The following GAL3ST1 variants were observed in gnomAD, a reference collection of about 807,000 sequenced individuals.
GAL3ST1 encodes the protein galactosylceramide sulfotransferase.
Under a neutral mutation model 25.0 loss-of-function variants are expected in GAL3ST1, and 13 were observed. The ratio of observed to expected loss-of-function variants is 0.52; its 90% confidence interval spans 0.34 to 0.83. The LOEUF (loss-of-function observed/expected upper bound fraction) is 0.83, where lower values mean the gene tolerates loss of function less well. Ranked by LOEUF, GAL3ST1 falls within the 40% of genes least tolerant of loss-of-function variation. The pLI is 0.02. For missense variants in GAL3ST1, 474 were observed against 613.6 expected (o/e 0.77, Z 2.40); for synonymous variants, 274 against 277.8 (o/e 0.99, Z 0.14).
At chr22:30,560,388 G>A (rs1310471603) in intron 1 of GAL3ST1, 1 of 152,144 alleles carries the variant, frequency 6.6e-6, no homozygotes, top group African/African-American at 2.4e-5. Flanking sequence ...GAAAGCTGGA[G>A]GCGCCCCTAG....
intron 1 of GAL3ST1, among the ~76,000 whole-genome samples, chr22:30,571,624 G>A (rs565567180): frequency 2.0e-5 from 3 of 152,290 alleles, no homozygotes; most frequent in Non-Finnish European, 4.4e-5. Context: ...AGCACTTTGG[G>A]AGGCCGAGGC....
chr22:30,562,943 C>T (rs190719088), intron 1 of GAL3ST1, among the ~76,000 whole-genome samples: 121 of 152,172 alleles, frequency 8.0e-4, no homozygotes, highest in African/African-American at 2.9e-3. Flanking sequence ...GCTGAAACAC[C>T]GTCTCTACTA....
intron 3 of GAL3ST1, 74 bp downstream of exon 3, chr22:30,557,188 A>C (rs1426870295): frequency 7.9e-6 from 12 of 1,509,776 alleles, no homozygotes; most frequent in Admixed American, 1.7e-5. Flanking sequence ...CCCTGTGGTA[A>C]TTACAGGGCC....
intron 3 of GAL3ST1, 37 bp downstream of exon 3, chr22:30,557,225 C>T: frequency 6.2e-7 from 1 of 1,610,664 alleles, no homozygotes; most frequent in Non-Finnish European, 8.5e-7. Context: ...ATCCCTCCCC[C>T]ACCTACACCC....
At position 30,555,318 on chromosome 22, in the gene GAL3ST1, G is replaced by C; in HGVS notation, c.907C>G (p.Leu303Val). ...AAGTGGCGGTAGAGGTGGGAGTCCA[G>C]CATGTTCCAGGCGGTGGCGCGCCCA... ...LYGRATAWNM[L>V]DSHLYRHFNA... Residue 303 changes from leucine (L) to valine (V), a missense_variant, in exon 4 of 4, where the codon CTG (leucine) becomes GTG (valine). Coordinates refer to ENST00000406361, the MANE Select transcript of GAL3ST1 (RefSeq NM_001318104.2). The surrounding 1 kb of genome is among the most constrained non-coding windows in gnomAD (Gnocchi z 8.6). 1.2e-6 allele frequency: 2 copies of C among 1,606,080 alleles called. No individual in the cohort carries two copies. Among genetic ancestry groups the C allele is most frequent in the Non-Finnish European group, 8.5e-7 (1 of 1,178,096 alleles).
intron 1 of GAL3ST1, among the ~76,000 whole-genome samples, chr22:30,571,014 A>T (rs867389728): frequency 9.3e-4 from 136 of 146,170 alleles, no homozygotes; most frequent in African/African-American, 3.1e-3. Context: ...ACACACACAC[A>T]CTCTTTACAA....
intron 1 of GAL3ST1, among the ~76,000 whole-genome samples, chr22:30,574,026 G>A (rs1386290982): frequency 2.0e-5 from 3 of 152,148 alleles, no homozygotes; most frequent in Non-Finnish European, 2.9e-5. Context: ...TATGGTCTCC[G>A]GTTCCTGCTC....
chr22:30,555,685 C>T lies in GAL3ST1; in HGVS notation c.540G>A (p.Val180=), dbSNP rs1231214218. 2.5e-6 allele frequency: 4 copies of T among 1,613,870 alleles called. No homozygotes were observed. Among genetic ancestry groups the T allele is most frequent in the Non-Finnish European group, 2.5e-6 (3 of 1,180,040 alleles). ...CCGAGAGCTTCCACGTGAGGGGCAC[C>T]ACCGGCCCGAAGTAGTGGAAGGAGG... ...FESSFHYFGP[V]VPLTWKLSAG... Residue 180 remains valine, a synonymous_variant, in exon 4 of 4, where the codon GTG becomes GTA. Coordinates refer to ENST00000406361, the MANE Select transcript of GAL3ST1 (RefSeq NM_001318104.2). The surrounding 1 kb of genome is among the most constrained non-coding windows in gnomAD (Gnocchi z 8.6).
chr22:30,568,548 A>T (rs1179091651), intron 1 of GAL3ST1, among the ~76,000 whole-genome samples: 1 of 152,164 alleles, frequency 6.6e-6, no homozygotes, highest in Non-Finnish European at 1.5e-5. Context: ...AGAAAACGAG[A>T]ACTGTATTAA....
chr22:30,555,033 T>A lies in GAL3ST1; in HGVS notation c.1192A>T (p.Ile398Phe). ...QLCRRMLTPE[I>F]QYLMDLGANL... ...GCGCCGAGGTCCATCAGGTACTGGA[T>A]CTCGGGCGTGAGCATGCGCCGGCAG... Residue 398 changes from isoleucine (I) to phenylalanine (F), a missense_variant, in exon 4 of 4, where the codon ATC becomes TTC. Physicochemically the swap from Ile to Phe is conservative, Grantham distance 21 (BLOSUM62 0). Coordinates refer to ENST00000406361, the MANE Select transcript of GAL3ST1 (RefSeq NM_001318104.2). This position sits in a 1 kb window ranked among gnomAD's most constrained non-coding sequence, Gnocchi z 8.6. The A allele has an allele frequency of 6.2e-7, 1 of 1,610,914 alleles. No homozygotes were observed. The highest frequency in any genetic ancestry group is 8.5e-7 in the Non-Finnish European group (1 of 1,178,084).
chr22:30,554,968 A>C lies in GAL3ST1; in HGVS notation c.1257T>G (p.Asp419Glu). The change falls in exon 4 of 4, where the codon GAT becomes GAG. Residue 419 changes from aspartate to glutamate, a missense_variant. This residue lies in a region of GAL3ST1 where 359 missense variants were observed against 504.4 expected (regional missense o/e 0.71). Coordinates refer to ENST00000406361, the MANE Select transcript of GAL3ST1 (RefSeq NM_001318104.2). ...CGGTGGGACGTCACCACCGCAGGAA[A>C]TCGCGAATGAACTTCCAGAGCTTGG... ...WVTKLWKFIR[D>E]FLRW 1 of 1,576,608 alleles carries C rather than the reference A, an allele frequency of 6.3e-7. No individual in the cohort carries two copies. The highest frequency in any genetic ancestry group is 8.7e-7 in the Non-Finnish European group (1 of 1,155,210).
chr22:30,557,628 G>A, intron 2 of GAL3ST1: 1 of 464,514 alleles, frequency 2.2e-6, no homozygotes, highest in Non-Finnish European at 3.8e-6. Context: ...AGAGAGGTTG[G>A]GGAATGGGGC....
At chr22:30,560,561 C>T (rs1195528576) in intron 1 of GAL3ST1, 1 of 152,470 alleles carries the variant, frequency 6.6e-6, no homozygotes, top group East Asian at 1.9e-4. Context: ...TCAAGCACCC[C>T]TGTCAGCCTC....
Position 30,555,682 on chromosome 22 carries a change from C to T in GAL3ST1, c.543G>A (p.Val181=). The change falls in exon 4 of 4, where the codon GTG becomes GTA. Residue 181 remains valine (V), a synonymous_variant. Transcript: ENST00000406361. This position sits in a 1 kb window ranked among gnomAD's most constrained non-coding sequence, Gnocchi z 8.6. The part of the protein sequence containing the change: ...ESSFHYFGPV[V]PLTWKLSAGD... ...CGGCCGAGAGCTTCCACGTGAGGGG[C>T]ACCACCGGCCCGAAGTAGTGGAAGG... 1 of 1,613,806 alleles carries T rather than the reference C, an allele frequency of 6.2e-7. No individual in the cohort carries two copies. The highest frequency in any genetic ancestry group is 8.5e-7 in the Non-Finnish European group (1 of 1,180,036).
chr22:30,574,068 CAG>C (rs772749204), intron 1 of GAL3ST1, among the ~76,000 whole-genome samples: 4 of 152,140 alleles, frequency 2.6e-5, no homozygotes, highest in Non-Finnish European at 5.9e-5. Context: ...CTGATGGAGA[CAG>C]GGGAGATCTC....
At chr22:30,558,555 G>T (rs1259914467) in intron 1 of GAL3ST1, among the ~76,000 whole-genome samples, 167 bp from the exon 2 acceptor site, 1 of 152,160 alleles carries the variant, frequency 6.6e-6, no homozygotes, top group Non-Finnish European at 1.5e-5. Flanking sequence ...AGCCCTACCT[G>T]TCCCCTGTGC....
intron 1 of GAL3ST1, among the ~76,000 whole-genome samples, chr22:30,569,250 GGAA>G (rs2086711166): frequency 6.6e-6 from 1 of 152,084 alleles, no homozygotes; most frequent in African/African-American, 2.4e-5. Context: ...GTAGGGATGG[GGAA>G]GGAGAGGGAG....
chr22:30,557,290 G>A lies in GAL3ST1; in HGVS notation c.103C>T (p.Pro35Ser), dbSNP rs769209210. ...GAGGCCAGGCCGGCATGCAGCGGGGGCACGGCATAGGAGTACACCAGCAGC... is the reference window on the plus strand; with the variant it reads ...GAGGCCAGGCCGGCATGCAGCGGGGACACGGCATAGGAGTACACCAGCAGC... ...FLLLVYSYAV[P>S]PLHAGLASTT... The change falls in exon 3 of 4, where the codon CCC becomes TCC. Residue 35 changes from proline (P) to serine (S), a missense_variant. By Grantham distance (74) the Pro-to-Ser change is moderately conservative (BLOSUM62 -1). Around this residue, in one of 2 missense-constraint regions of GAL3ST1, gnomAD observed 115 missense variants for 109.2 expected, o/e 1.05. Coordinates refer to ENST00000406361, the MANE Select transcript of GAL3ST1 (RefSeq NM_001318104.2). The A allele has an allele frequency of 6.2e-7, 1 of 1,614,182 alleles. No individual in the cohort carries two copies. Among genetic ancestry groups the A allele is most frequent in the Non-Finnish European group, 8.5e-7 (1 of 1,179,986 alleles).
chr22:30,571,857 C>A (rs2146440278), intron 1 of GAL3ST1, among the ~76,000 whole-genome samples: 1 of 152,298 alleles, frequency 6.6e-6, no homozygotes, highest in Admixed American at 6.5e-5. Flanking sequence ...GAGCAAGACT[C>A]CGTCTCAAAA....
Sources: allele counts gnomAD v4.1 joint callset (sites outside exome capture counted in the v4.1 genomes callset), GRCh38; gene constraint gnomAD v4.1.1; regional missense constraint gnomAD v4.1.1; non-coding constraint Gnocchi (gnomAD v3.1); transcripts MANE v1.5; gene names NCBI Gene and HGNC (gene_info 2026-07-23, HGNC 2026-07-21).